GLO1: variants seen among roughly 807,000 people sequenced by gnomAD.
GLO1 encodes lactoylglutathione lyase.
In GLO1, 28 loss-of-function variants were observed where a neutral mutation model predicts 26.0. The ratio of observed to expected loss-of-function variants is 1.08; its 90% confidence interval spans 0.80 to 1.48. GLO1 has a LOEUF of 1.48. GLO1 is among the 40% of genes most tolerant of loss of function. GLO1 has a pLI of 0.00. For missense variants in GLO1, 225 were observed against 224.8 expected, an observed-to-expected ratio of 1.00 and a Z score of -0.01; for synonymous variants, 78 against 77.6, an observed-to-expected ratio of 1.00 and a Z score of -0.03.
intron 3 of GLO1, among the ~76,000 whole-genome samples, chr6:38,683,889 A>T (rs76070225): frequency 0.035 from 5,235 of 151,652 alleles, 122 homozygotes; most frequent in Non-Finnish European, 0.049. Context: ...TCTGTCTCAA[A>T]AAATAAATAA....
intron 1 of GLO1, among the ~76,000 whole-genome samples, chr6:38,688,915 GGAGA>G (rs150988604): frequency 1.2e-4 from 19 of 152,080 alleles, no homozygotes; most frequent in Non-Finnish European, 2.1e-4. Flanking sequence ...CTTAAAAGCA[GGAGA>G]GAGAGAGAGC....
chr6:38,681,651 C>T (rs1054404706), intron 5 of GLO1, among the ~76,000 whole-genome samples: 2 of 152,096 alleles, frequency 1.3e-5, no homozygotes, highest in Non-Finnish European at 2.9e-5. Context: ...ATTATATGAG[C>T]ATCAGATAAA....
intron 2 of GLO1, 49 bp downstream of exon 2, chr6:38,686,843 G>T: frequency 9.9e-7 from 1 of 1,010,102 alleles, no homozygotes; most frequent in South Asian, 1.4e-5. Context: ...CTCTAGATTT[G>T]CAAAGCTATA....
chr6:38,686,413 A>G (rs1761460813), intron 2 of GLO1, among the ~76,000 whole-genome samples: 1 of 152,276 alleles, frequency 6.6e-6, no homozygotes, highest in Non-Finnish European at 1.5e-5. Flanking sequence ...AAAAATAAAC[A>G]TGCTTTAGAA....
intron 3 of GLO1, among the ~76,000 whole-genome samples, chr6:38,683,706 T>C (rs1562483143): frequency 6.6e-6 from 1 of 151,582 alleles, no homozygotes; most frequent in Non-Finnish European, 1.5e-5. Flanking sequence ...GCTAACATGG[T>C]GAAACCCCGT....
chr6:38,682,029 A>C lies in GLO1; in HGVS notation c.449T>G (p.Val150Gly), dbSNP rs777067080. Residue 150 changes from valine (V) to glycine (G), a missense_variant, in exon 5 of 6, where the codon GTG becomes GGG. Coordinates refer to ENST00000373365, the MANE Select transcript of GLO1 (RefSeq NM_006708.3). ...AGACTCACCATCATCAGGTTTCTTCACAAATTTGACTCCCAGTTCTTCAAA... is the reference window on the plus strand; with the variant it reads ...AGACTCACCATCATCAGGTTTCTTCCCAAATTTGACTCCCAGTTCTTCAAA... ...KRFEELGVKF[V>G]KKPDDGKMKG... The C allele has an allele frequency of 6.4e-7, 1 of 1,554,642 alleles. No individual in the cohort carries two copies. Among genetic ancestry groups the C allele is most frequent in the African/African-American group, 1.4e-5 (1 of 73,712 alleles).
intron 1 of GLO1, among the ~76,000 whole-genome samples, chr6:38,697,593 T>C (rs1761631082): frequency 6.6e-6 from 1 of 152,206 alleles, no homozygotes; most frequent in Non-Finnish European, 1.5e-5. Context: ...ATTCTCCCTC[T>C]CCAGATGCAA....
intron 5 of GLO1, among the ~76,000 whole-genome samples, chr6:38,679,717 C>T (rs1291454916): frequency 6.6e-6 from 1 of 151,518 alleles, no homozygotes; most frequent in African/African-American, 2.4e-5. Context: ...TTGTTTGATC[C>T]CAGGAGTTTG....
At chr6:38,691,196 C>T (rs1761525079) in intron 1 of GLO1, among the ~76,000 whole-genome samples, 1 of 151,730 alleles carries the variant, frequency 6.6e-6, no homozygotes. Flanking sequence ...TACTGGGTGA[C>T]AAAGATTTGC....
Position 38,676,973 on chromosome 6 carries a change from T to G in GLO1, c.*322A>C, listed in dbSNP as rs1464829877. 1.3e-5 allele frequency: 3 copies of G among 222,876 alleles called. No homozygotes were observed. The highest frequency in any genetic ancestry group is 1.7e-5 in the Non-Finnish European group (2 of 115,604). 13.8% of individuals were successfully genotyped at this position (222,876 alleles called of 1,614,324 possible). ...GTTAATTTTTTTTTAAAAATGATGATTCAAAGGCAGATTTGAAGGGAAGTA... is the reference window on the plus strand; with the variant it reads ...GTTAATTTTTTTTTAAAAATGATGAGTCAAAGGCAGATTTGAAGGGAAGTA... On this transcript the variant is annotated 3_prime_UTR_variant, in exon 6 of 6. Coordinates refer to ENST00000373365, the MANE Select transcript of GLO1 (RefSeq NM_006708.3).
At chr6:38,700,714 G>T (rs1303328403) in intron 1 of GLO1, among the ~76,000 whole-genome samples, 1 of 151,570 alleles carries the variant, frequency 6.6e-6, no homozygotes, top group African/African-American at 2.4e-5. Flanking sequence ...TATCCCCAAA[G>T]TACTTACCAT....
chr6:38,687,019 T>C (rs376365555), intron 1 of GLO1, 45 bp from the exon 2 acceptor site: 2 of 1,546,026 alleles, frequency 1.3e-6, no homozygotes, highest in Non-Finnish European at 1.8e-6. Context: ...TTTTACCATT[T>C]ATTACCAACA....
chr6:38,686,831 C>T (rs1346938561), intron 2 of GLO1, 61 bp downstream of exon 2: 1 of 937,498 alleles, frequency 1.1e-6, no homozygotes, highest in Non-Finnish European at 1.7e-6. Flanking sequence ...TCTGAAAACA[C>T]TCTCTAGATT....
At chr6:38,684,836 A>G (rs1373369640) in intron 2 of GLO1, among the ~76,000 whole-genome samples, 1 of 152,240 alleles carries the variant, frequency 6.6e-6, no homozygotes, top group East Asian at 1.9e-4. Flanking sequence ...GTACTGAAAA[A>G]TATAAAGAAC....
At chr6:38,702,927 C>A in intron 1 of GLO1, 44 bp downstream of exon 1, 2 of 1,138,310 alleles carry the variant, frequency 1.8e-6, no homozygotes, top group Non-Finnish European at 2.6e-6. Context: ...CCGGTCCCGG[C>A]CCAGCGGAGC....
intron 3 of GLO1, among the ~76,000 whole-genome samples, chr6:38,684,168 G>A (rs1235339659): frequency 6.6e-6 from 1 of 152,014 alleles, no homozygotes; most frequent in Non-Finnish European, 1.5e-5. Flanking sequence ...CAGAGAGCCT[G>A]TCTCTAAAAA....
At chr6:38,679,815 ACAATATGAAATATTAC>A (rs1296965148) in intron 5 of GLO1, among the ~76,000 whole-genome samples, 1 of 152,014 alleles carries the variant, frequency 6.6e-6, no homozygotes, top group Non-Finnish European at 1.5e-5. Context: ...AAAGTAATAA[ACAATATGAAATATTAC>A]CAATATGAAA....
chr6:38,699,832 T>C (rs1390781874), intron 1 of GLO1, among the ~76,000 whole-genome samples: 2 of 152,196 alleles, frequency 1.3e-5, no homozygotes, highest in African/African-American at 4.8e-5. Flanking sequence ...ATACGTGCAC[T>C]GCTGAACATA....
intron 5 of GLO1, 50 bp downstream of exon 5, chr6:38,681,962 A>T: frequency 1.1e-6 from 1 of 901,620 alleles, no homozygotes; most frequent in Non-Finnish European, 1.9e-6. Context: ...GTAGGTGGTT[A>T]GTAAATATCA....
Sources: gnomAD v4.1 joint callset for allele counts (sites outside exome capture counted in the v4.1 genomes callset) on GRCh38, gnomAD v4.1.1 for gene constraint, MANE v1.5 for transcripts, NCBI Gene and HGNC (gene_info 2026-07-23, HGNC 2026-07-21) for gene names.